Variants in GRIP2 observed in about 807,000 individuals in gnomAD.
The protein encoded by GRIP2 is glutamate receptor interacting protein 2, also known as glutamate receptor-interacting protein 2.
A neutral mutation model predicts 108.3 loss-of-function variants in GRIP2; 58 were observed. That is an observed-to-expected ratio of 0.54 (90% CI 0.43 to 0.67). GRIP2 has a LOEUF of 0.67. Among genes scored for constraint, GRIP2 ranks in the 30% least tolerant of loss-of-function variants. GRIP2 has a pLI of 0.00. For missense variants in GRIP2, 1,278 were observed against 1,430.6 expected (o/e 0.89, Z 1.72); for synonymous variants, 586 against 598.2 (o/e 0.98, Z 0.30).
Position 14,494,936 on chromosome 3 carries a change from A to T in GRIP2, c.2877T>A (p.Asp959Glu), listed in dbSNP as rs768206087. 3 of 1,613,990 alleles carry T rather than the reference A, an allele frequency of 1.9e-6. No homozygotes were observed. The highest frequency in any genetic ancestry group is 2.7e-5 in the African/African-American group (2 of 75,066). The change falls in exon 23 of 24, where the codon GAT becomes GAA. Residue 959 changes from aspartate to glutamate, a missense_variant. Asp to Glu is a conservative substitution (Grantham distance 45). Transcript: ENST00000621039. ...CATAGACACCTTTTTCCAGGAGGCC[A>T]TCTGAGACGCTGAAACCAAAGTCAT... is the stretch of plus-strand genomic sequence containing the variant. The part of the protein sequence containing the change: ...MRHDFGFSVS[D>E]GLLEKGVYVH...
At chr3:14,571,225 T>C in the GRIP2 span, among the ~76,000 whole-genome samples, 1 of 152,294 alleles carries the variant, frequency 6.6e-6, no homozygotes, top group African/African-American at 2.4e-5. Flanking sequence ...TGTGTGTGCC[T>C]GGGCATGTGT....
chr3:14,573,932 G>C, the GRIP2 span: 14 of 1,106,012 alleles, frequency 1.3e-5, no homozygotes, highest in Non-Finnish European at 1.9e-5. Flanking sequence ...AGTGCTTCTC[G>C]TGCTCGCGCC....
Position 14,513,786 on chromosome 3 carries a change from G to A in GRIP2, c.1518C>T (p.Asp506=). 3.7e-6 allele frequency: 6 copies of A among 1,612,940 alleles called. No individual in the cohort carries two copies. The highest frequency in any genetic ancestry group is 5.1e-6 in the Non-Finnish European group (6 of 1,179,610). Residue 506 remains aspartate (D), a synonymous_variant, in exon 13 of 24, where the codon GAC becomes GAT. Transcript: ENST00000621039. ...AERCGLLQVG[D]RVLSINGIAT... ...CAATGCCATTGATGGACAGGACACGGTCCCCCACCTGCAGCAGCCCACACC... is the reference window on the plus strand; with the variant it reads ...CAATGCCATTGATGGACAGGACACGATCCCCCACCTGCAGCAGCCCACACC...
chr3:14,524,483 T>G lies in GRIP2; in HGVS notation c.313A>C (p.Thr105Pro), dbSNP rs1290215400. The G allele has an allele frequency of 6.4e-7, 1 of 1,574,154 alleles. No homozygotes were observed. Residue 105 changes from threonine to proline, a missense_variant, in exon 4 of 24, where the codon ACC (threonine) becomes CCC (proline). By Grantham distance (38) the Thr-to-Pro change is conservative (BLOSUM62 -1). Coordinates refer to ENST00000621039, the MANE Select transcript of GRIP2 (RefSeq NM_001080423.4). The stretch of plus-strand genomic sequence containing the variant: ...ATGATCTCATCGTGGCGGAGCCTGG[T>G]CAGGTGGATCCCGTTCACAGACCGA... ...YIRSVNGIHL[T>P]RLRHDEIITL...
rs1294849300 is a variant in GRIP2 at position 14,538,198 on chromosome 3, C to A, written c.40+2071G>T. On this transcript the variant is annotated intron_variant, in intron 1 of 23. Transcript: ENST00000621039. ...CTGACGCACACTGCCAGTGGGCTGA[C>A]TTCTCAGGGCTGCAGTCTTCTGTGC... Among the ~76,000 whole-genome samples, 3 of 152,160 alleles carry A rather than the reference C, an allele frequency of 2.0e-5. No homozygotes were observed. The East Asian group carries it at 5.8e-4, about 29-fold the overall frequency.
rs1693955182 is a variant in GRIP2 at position 14,507,184 on chromosome 3, C to G, written c.2219-204G>C. Reference sequence around the variant, plus strand: ...GCTGAGCAGCATGCCCGAGATCACACAGTGAGCACCAGTGGAGCCAGGATT... The same window carrying G: ...GCTGAGCAGCATGCCCGAGATCACAGAGTGAGCACCAGTGGAGCCAGGATT... On this transcript the variant is annotated intron_variant, in intron 18 of 23. Coordinates refer to ENST00000621039, the MANE Select transcript of GRIP2 (RefSeq NM_001080423.4). This position sits in a 1 kb window ranked among gnomAD's most constrained non-coding sequence, Gnocchi z 4.6. Among the ~76,000 whole-genome samples, 1 of 152,214 alleles carries G rather than the reference C, an allele frequency of 6.6e-6. No homozygotes were observed. Among genetic ancestry groups the G allele is most frequent in the Admixed American group, 6.5e-5 (1 of 15,292 alleles).
At chr3:14,496,080 G>A (rs1446818564) in intron 22 of GRIP2, among the ~76,000 whole-genome samples, 1 of 152,138 alleles carries the variant, frequency 6.6e-6, no homozygotes, top group Admixed American at 6.5e-5. Flanking sequence ...AGGAGGTCAG[G>A]GCCGCAGTGA....
In GRIP2 at chr3:14,521,878, TGAA is replaced by T. The variant is rs1020656606; in HGVS notation, c.567-94_567-92del. On this transcript the variant is annotated intron_variant, in intron 6 of 23. Coordinates refer to ENST00000621039, the MANE Select transcript of GRIP2 (RefSeq NM_001080423.4). The surrounding 1 kb of genome is among the most constrained non-coding windows in gnomAD (Gnocchi z 5.1). The stretch of plus-strand genomic sequence containing the variant: ...GCGCTGGGAAGCGGGACATGGAGGA[TGAA>T]GAAGCAGGGAATGGGTGGGGGAGGA... 12 of 1,217,306 alleles carry T rather than the reference TGAA, an allele frequency of 9.9e-6. No homozygotes were observed. In the Admixed American group the frequency reaches 3.4e-4, roughly 34 times the overall value. The allele number at this position is 1,217,306 out of a possible 1,614,324, so 75.4% of individuals were successfully genotyped here. A position where few individuals can be genotyped will look rare whatever the true frequency, so the allele number is the denominator to read the frequency against.
chr3:14,555,904 G>C, exon 1 of GRIP2: 1 of 399,936 alleles, frequency 2.5e-6, no homozygotes. Context: ...CGGCACCTTT[G>C]AGACGCCGCC....
At chr3:14,540,804 G>A (rs535277897), upstream of GRIP2, among the ~76,000 whole-genome samples, 1 of 152,240 alleles carries the variant, frequency 6.6e-6, no homozygotes. The surrounding 1 kb of genome is among the most constrained non-coding windows in gnomAD (Gnocchi z 4.1). Context: ...ATGCCAGGGC[G>A]TCTCTGTAGG....
At chr3:14,599,470 G>A in the GRIP2 span, among the ~76,000 whole-genome samples, 1 of 152,196 alleles carries the variant, frequency 6.6e-6, no homozygotes, top group East Asian at 1.9e-4. Flanking sequence ...CACTCCCTAA[G>A]CACTGGGCAC....
In GRIP2 at chr3:14,512,713, A is replaced by G. The variant is rs150009727; in HGVS notation, c.1720+64T>C. 2.3e-3 allele frequency: 3,349 copies of G among 1,483,096 alleles called. 34 individuals are homozygous for G. In the East Asian group the frequency reaches 0.031, roughly 14 times the overall value. The allele number at this position is 1,483,096 out of a possible 1,614,324, so 91.9% of individuals were successfully genotyped here. The stretch of plus-strand genomic sequence containing the variant: ...ATGGAAATGCTGGTCTGAGCTTGGC[A>G]AGCTCTTTTTCCCCAGCAGTTGAGC... On this transcript the variant is annotated intron_variant, in intron 14 of 23. Coordinates refer to ENST00000621039, the MANE Select transcript of GRIP2 (RefSeq NM_001080423.4). The surrounding 1 kb of genome is among the most constrained non-coding windows in gnomAD (Gnocchi z 5.1).
the GRIP2 span, among the ~76,000 whole-genome samples, chr3:14,582,722 C>T: frequency 3.0e-4 from 46 of 152,168 alleles, no homozygotes; most frequent in African/African-American, 1.1e-3. Context: ...AAGTCTTCTC[C>T]GAGCATCTCA....
chr3:14,540,359 G>C, upstream of GRIP2: 1 of 1,611,916 alleles, frequency 6.2e-7, no homozygotes, highest in Non-Finnish European at 8.5e-7. The surrounding 1 kb of genome is among the most constrained non-coding windows in gnomAD (Gnocchi z 4.1). Context: ...GAGCCACGCT[G>C]CTTGGCCCTC....
At position 14,505,901 on chromosome 3, in the gene GRIP2, G is replaced by T. The variant is rs1693913267; in HGVS notation, c.2399-112C>A. The T allele has an allele frequency of 1.0e-5, 10 of 971,740 alleles. No individual in the cohort carries two copies. Among genetic ancestry groups the T allele is most frequent in the Non-Finnish European group, 1.3e-5 (9 of 686,798 alleles). 60.2% of individuals were successfully genotyped at this position (971,740 alleles called of 1,614,324 possible). On this transcript the variant is annotated intron_variant, in intron 19 of 23. Coordinates refer to ENST00000621039, the MANE Select transcript of GRIP2 (RefSeq NM_001080423.4). This position sits in a 1 kb window ranked among gnomAD's most constrained non-coding sequence, Gnocchi z 4.2. ...TGGGGAGGTCGTTGCTCCTCTCTGG[G>T]CCTGCATCTACACAGCCCTCTGAGG...
rs1021516356 is a variant in GRIP2 at position 14,511,055 on chromosome 3, C to T, written c.1933+110G>A. The T allele has an allele frequency of 7.1e-5, 92 of 1,297,142 alleles. No individual in the cohort carries two copies. Among genetic ancestry groups the T allele is most frequent in the South Asian group, 1.3e-4 (9 of 69,086 alleles). The allele number at this position is 1,297,142 out of a possible 1,614,324, so 80.4% of individuals were successfully genotyped here. ...GTTCATTCCAGCCAGCCTTCAGCAGCGCCCACCACCCTCCCTTCCTCGGCT... is the reference window on the plus strand; with the variant it reads ...GTTCATTCCAGCCAGCCTTCAGCAGTGCCCACCACCCTCCCTTCCTCGGCT... On this transcript the variant is annotated intron_variant, in intron 16 of 23. Transcript: ENST00000621039. This position sits in a 1 kb window ranked among gnomAD's most constrained non-coding sequence, Gnocchi z 4.1.
At chr3:14,546,075 C>G (rs1043922819), upstream of GRIP2, among the ~76,000 whole-genome samples, 1 of 152,140 alleles carries the variant, frequency 6.6e-6, no homozygotes, top group South Asian at 2.1e-4. Context: ...AGTAGGCGAC[C>G]TTTAAGCTGA....
chr3:14,504,671 A>G (rs1409169117), intron 20 of GRIP2, among the ~76,000 whole-genome samples: 2 of 152,254 alleles, frequency 1.3e-5, no homozygotes, highest in South Asian at 2.1e-4. Context: ...AGGAACGAGG[A>G]TGTGTTGCCT....
In GRIP2 at chr3:14,493,321, G is replaced by A. The variant is rs1701377577; in HGVS notation, c.*344C>T. 2 of 251,174 alleles carry A rather than the reference G, an allele frequency of 8.0e-6. No homozygotes were observed. Among genetic ancestry groups the A allele is most frequent in the Non-Finnish European group, 7.6e-6 (1 of 132,086 alleles). The allele number at this position is 251,174 out of a possible 1,614,324, so 15.6% of individuals were successfully genotyped here. Reference sequence around the variant, plus strand: ...GGGAGGAAGTGCTCCCTACATCTTCGACCTCTCCAAGGAGGCCCCACAGAG... The same window carrying A: ...GGGAGGAAGTGCTCCCTACATCTTCAACCTCTCCAAGGAGGCCCCACAGAG... On this transcript the variant is annotated 3_prime_UTR_variant, in exon 24 of 24. Transcript: ENST00000621039.
Sources: allele counts gnomAD v4.1 joint callset (sites outside exome capture counted in the v4.1 genomes callset), GRCh38; gene constraint gnomAD v4.1.1; non-coding constraint Gnocchi (gnomAD v3.1); transcripts MANE v1.5; gene names NCBI Gene and HGNC (gene_info 2026-07-23, HGNC 2026-07-21).